The following DAPK2 variants were observed in gnomAD, a reference collection of about 807,000 sequenced individuals.
DAPK2 encodes death associated protein kinase 2.
Under a neutral mutation model 44.1 loss-of-function variants are expected in DAPK2, and 35 were observed. The ratio of observed to expected loss-of-function variants is 0.79; its 90% CI spans 0.61 to 1.05. The LOEUF is 1.05. Ranked by LOEUF, DAPK2 falls within the 50% of genes least tolerant of loss-of-function variation. The probability of loss-of-function intolerance (pLI) is 0.00; values close to 1 mark genes in which losing one functional copy is unlikely to be tolerated. For synonymous variants in DAPK2, 174 were observed against 182.6 expected (o/e 0.95, Z 0.38); for missense variants, 453 against 483.2 (o/e 0.94, Z 0.59).
chr15:63,929,155 C>T (rs1241633537), intron 6 of DAPK2, among the ~76,000 whole-genome samples: 5 of 149,784 alleles, frequency 3.3e-5, no homozygotes, highest in African/African-American at 9.9e-5. Context: ...GCCAAGATCA[C>T]GCCACTGCAC....
At chr15:63,953,131 C>T (rs143531937) in intron 3 of DAPK2, among the ~76,000 whole-genome samples, 5,304 of 152,046 alleles carry the variant, frequency 0.035, 111 homozygotes, top group South Asian at 0.091. Flanking sequence ...ACCTCACCCC[C>T]CTCCCACCCT....
At chr15:63,956,179 C>A (rs1009940547) in intron 3 of DAPK2, among the ~76,000 whole-genome samples, 1 of 152,014 alleles carries the variant, frequency 6.6e-6, no homozygotes, top group South Asian at 2.1e-4. Context: ...TTATTTGGGT[C>A]TTTTTTCCTC....
intron 8 of DAPK2, among the ~76,000 whole-genome samples, chr15:63,915,701 G>A (rs1595694861): frequency 1.3e-5 from 2 of 152,204 alleles, no homozygotes; most frequent in Non-Finnish European, 2.9e-5. Flanking sequence ...GGGAGGTGAT[G>A]CAATTCTTTT....
chr15:63,960,511 C>T (rs2077865204), intron 3 of DAPK2, among the ~76,000 whole-genome samples: 1 of 152,138 alleles, frequency 6.6e-6, no homozygotes, highest in Non-Finnish European at 1.5e-5. Context: ...TCCCTCTACA[C>T]ACTGCTTTAA....
chr15:63,978,675 T>C (rs371114001), intron 2 of DAPK2, among the ~76,000 whole-genome samples: 11 of 152,336 alleles, frequency 7.2e-5, no homozygotes, highest in African/African-American at 2.6e-4. Context: ...CCAAGGAGCC[T>C]GAGTGTCATT....
chr15:63,987,270 A>T (rs564919947), intron 1 of DAPK2, among the ~76,000 whole-genome samples: 1 of 152,240 alleles, frequency 6.6e-6, no homozygotes, highest in South Asian at 2.1e-4. Flanking sequence ...TTTTCTGCAC[A>T]CAGAAGGCTC....
chr15:64,002,916 CTGTGTGTGTGTGTGTG>C lies in DAPK2; in HGVS notation c.93-19178_93-19163del, dbSNP rs3056849. Reference sequence around the variant, plus strand: ...AGGGAGGGAGAGAAAGACTGAGACACTGTGTGTGTGTGTGTGTGTGTGTGTGTGTGTGTGTGTGTGT... The same window carrying C: ...AGGGAGGGAGAGAAAGACTGAGACACTGTGTGTGTGTGTGTGTGTGTGTGT... On this transcript the variant is annotated intron_variant, in intron 1 of 10. Transcript: ENST00000261891. Among the ~76,000 whole-genome samples the C allele has an allele frequency of 1.8e-3, 153 of 86,130 alleles. 1 individual carries two copies. The highest frequency in any genetic ancestry group is 0.014 in the Middle Eastern group (2 of 148). 56.5% of individuals were successfully genotyped at this position (86,130 alleles called of 152,430 possible).
At chr15:64,037,265 C>T (rs533455118) in intron 1 of DAPK2, among the ~76,000 whole-genome samples, 4 of 152,330 alleles carry the variant, frequency 2.6e-5, no homozygotes, top group South Asian at 2.1e-4. Flanking sequence ...TGGCCTCCTG[C>T]GGGTTCCCCA....
At chr15:63,985,683 TC>T (rs914471623) in intron 1 of DAPK2, among the ~76,000 whole-genome samples, 2 of 152,096 alleles carry the variant, frequency 1.3e-5, no homozygotes, top group African/African-American at 4.8e-5. Context: ...GGCATCCAAA[TC>T]CCCCAGCTCC....
chr15:64,042,535 G>A (rs947867246), upstream of DAPK2, among the ~76,000 whole-genome samples: 1 of 152,172 alleles, frequency 6.6e-6, no homozygotes, highest in African/African-American at 2.4e-5. This position sits in a 1 kb window ranked among gnomAD's most constrained non-coding sequence, Gnocchi z 4.7. Context: ...CATTTGCTGA[G>A]AGCAGGATTC....
upstream of DAPK2, among the ~76,000 whole-genome samples, chr15:64,043,579 C>T (rs965246034): frequency 2.6e-5 from 4 of 152,200 alleles, no homozygotes; most frequent in African/African-American, 9.7e-5. Flanking sequence ...AGCAGAGTGG[C>T]TATCCCCTCA....
At chr15:64,019,951 A>G (rs1208997867) in intron 1 of DAPK2, among the ~76,000 whole-genome samples, 1 of 152,200 alleles carries the variant, frequency 6.6e-6, no homozygotes, top group Non-Finnish European at 1.5e-5. Flanking sequence ...CCACAGAGTC[A>G]ATATTTACTA....
intron 7 of DAPK2, among the ~76,000 whole-genome samples, chr15:63,925,676 GCGCACACACA>G (rs895852932): frequency 9.3e-4 from 48 of 51,374 alleles, no homozygotes; most frequent in African/African-American, 2.9e-3. Flanking sequence ...CTGACTTGTA[GCGCACACACA>G]CACACACACA....
chr15:64,016,214 C>T (rs1009808644), intron 1 of DAPK2, among the ~76,000 whole-genome samples: 1 of 152,346 alleles, frequency 6.6e-6, no homozygotes, highest in South Asian at 2.1e-4. Context: ...CTGCCCACAG[C>T]CATGGTCCTG....
upstream of DAPK2, among the ~76,000 whole-genome samples, chr15:64,045,213 C>A (rs138059276): frequency 2.6e-5 from 4 of 152,268 alleles, no homozygotes; most frequent in East Asian, 7.7e-4. Flanking sequence ...CCAGCCACAT[C>A]CACACACCCC....
At chr15:64,035,228 C>T (rs11636490) in intron 1 of DAPK2, among the ~76,000 whole-genome samples, 29,872 of 151,734 alleles carry the variant, frequency 0.2, 3,022 homozygotes, top group South Asian at 0.24. Flanking sequence ...CAAGGAATCA[C>T]TCTTCATTAT....
chr15:64,033,783 T>A (rs2080097595), intron 1 of DAPK2, among the ~76,000 whole-genome samples: 1 of 151,862 alleles, frequency 6.6e-6, no homozygotes, highest in Non-Finnish European at 1.5e-5. Flanking sequence ...TGGCGGGCGC[T>A]TATAGTCCCA....
chr15:63,979,906 C>T (rs1398523418), intron 2 of DAPK2, among the ~76,000 whole-genome samples: 1 of 151,964 alleles, frequency 6.6e-6, no homozygotes, highest in Non-Finnish European at 1.5e-5. Flanking sequence ...CAGAGCAAGA[C>T]TCCATCTCAA....
At position 64,019,219 on chromosome 15, in the gene DAPK2, G is replaced by A. The variant is rs75631608; in HGVS notation, c.92+20951C>T. Among the ~76,000 whole-genome samples the A allele has an allele frequency of 4.3e-3, 657 of 152,300 alleles. 3 individuals are homozygous for A. The highest frequency in any genetic ancestry group is 0.015 in the African/African-American group (604 of 41,548). ...AGACCTGCCCACCTCTGGGCCAAGC[G>A]GAGCTAGCTGCTGTGAATTACAGAA... is the stretch of plus-strand genomic sequence containing the variant. On this transcript the variant is annotated intron_variant, in intron 1 of 10. Transcript: ENST00000261891.
Sources: gnomAD v4.1 joint callset for allele counts (sites outside exome capture counted in the v4.1 genomes callset) on GRCh38, gnomAD v4.1.1 for gene constraint, Gnocchi (gnomAD v3.1) non-coding constraint, MANE v1.5 for transcripts, NCBI Gene and HGNC (gene_info 2026-07-23, HGNC 2026-07-21) for gene names.